NPTN: variants seen among roughly 807,000 people sequenced by gnomAD.
The protein encoded by NPTN is SDR-1.
Under a neutral mutation model 42.7 loss-of-function variants are expected in NPTN, and 5 were observed. The observed-to-expected ratio is 0.12, with a 90% CI of 0.06 to 0.25. The LOEUF (loss-of-function observed/expected upper bound fraction) is 0.25, where lower values mean the gene tolerates loss of function less well. Ranked by LOEUF, NPTN falls within the 10% of genes least tolerant of loss-of-function variation. The pLI, the probability that NPTN is intolerant of heterozygous loss-of-function variation, is 1.00. For synonymous variants in NPTN, 180 were observed against 201.9 expected (o/e 0.89, Z 0.92); for missense variants, 307 against 525.4 (o/e 0.58, Z 4.06).
At chr15:73,604,526 C>T (rs1897208974) in intron 1 of NPTN, among the ~76,000 whole-genome samples, 1 of 152,160 alleles carries the variant, frequency 6.6e-6, no homozygotes, top group Non-Finnish European at 1.5e-5. Flanking sequence ...TTGCATATTT[C>T]AGGGGTCTTC....
In NPTN at chr15:73,560,690, A is replaced by G. The variant is rs2141342937; in HGVS notation, c.*373T>C. The G allele has an allele frequency of 6.6e-6, 1 of 151,578 alleles. No individual in the cohort carries two copies. Among genetic ancestry groups the G allele is most frequent in the Non-Finnish European group, 1.5e-5 (1 of 67,884 alleles). The allele number at this position is 151,578 out of a possible 1,614,324, so 9.4% of individuals were successfully genotyped here. On this transcript the variant is annotated 3_prime_UTR_variant, in exon 9 of 9. Coordinates refer to ENST00000345330, the MANE Select transcript of NPTN (RefSeq NM_012428.4). ...GTTTTGCTGTACTTTACAAAAGTGT[A>G]TCACTAGATGGCAGCAGTGCATTTT...
intron 1 of NPTN, 184 bp downstream of exon 1, chr15:73,632,941 T>C: frequency 2.3e-6 from 1 of 443,716 alleles, no homozygotes; most frequent in South Asian, 5.2e-5. Context: ...GATAGGAGCC[T>C]CCGGTCCTCA....
chr15:73,619,738 TAAG>T (rs1194562799), intron 1 of NPTN, among the ~76,000 whole-genome samples: 6 of 152,208 alleles, frequency 3.9e-5, no homozygotes, highest in Admixed American at 2.0e-4. Flanking sequence ...TTGTTAAAAA[TAAG>T]AAGGGACTAA....
At chr15:73,587,402 C>T (rs1896370685) in intron 4 of NPTN, 122 bp downstream of exon 4, 2 of 714,270 alleles carry the variant, frequency 2.8e-6, no homozygotes, top group Admixed American at 2.6e-5. Flanking sequence ...GTGGCCTAAC[C>T]ACAACATTAT....
At chr15:73,564,379 G>A (rs1447566742) in intron 6 of NPTN, among the ~76,000 whole-genome samples, 1 of 152,186 alleles carries the variant, frequency 6.6e-6, no homozygotes, top group Non-Finnish European at 1.5e-5. Context: ...CATGTCGGGA[G>A]TAATGTCTGT....
At chr15:73,567,776 G>A in intron 6 of NPTN, 2 of 985,442 alleles carry the variant, frequency 2.0e-6, no homozygotes, top group South Asian at 4.7e-5. Flanking sequence ...GATGGAGAGT[G>A]GAGCCTGGCC....
intron 1 of NPTN, among the ~76,000 whole-genome samples, chr15:73,598,139 A>G (rs781428848): frequency 2.0e-5 from 3 of 152,166 alleles, no homozygotes; most frequent in Non-Finnish European, 4.4e-5. Context: ...GTCAGCTCAG[A>G]AGTGGGACCA....
intron 6 of NPTN, chr15:73,567,146 G>A: frequency 2.0e-6 from 2 of 983,918 alleles, no homozygotes; most frequent in Non-Finnish European, 2.4e-6. Context: ...TTATACTTTT[G>A]TATTGTTCAC....
chr15:73,619,340 AG>A (rs1898016887), intron 1 of NPTN, among the ~76,000 whole-genome samples: 1 of 152,208 alleles, frequency 6.6e-6, no homozygotes, highest in South Asian at 2.1e-4. Flanking sequence ...ACAAGAAGCA[AG>A]AAAATGTAAA....
intron 1 of NPTN, among the ~76,000 whole-genome samples, chr15:73,617,205 T>A (rs1029433782): frequency 2.0e-5 from 3 of 152,190 alleles, no homozygotes; most frequent in African/African-American, 7.2e-5. Flanking sequence ...AACCAAGCTT[T>A]GAAAGGATAC....
intron 4 of NPTN, among the ~76,000 whole-genome samples, chr15:73,580,817 C>T (rs1261827324): frequency 5.9e-5 from 9 of 151,808 alleles, no homozygotes; most frequent in South Asian, 2.1e-4. Flanking sequence ...ATTAGTGTAG[C>T]GTAAAGAGCA....
intron 3 of NPTN, chr15:73,591,729 T>TC: frequency 2.9e-6 from 1 of 344,244 alleles, no homozygotes. Context: ...AGCCTCAGTT[T>TC]CTCTATGATT....
chr15:73,595,582 T>C (rs1896797624), intron 2 of NPTN, among the ~76,000 whole-genome samples: 1 of 152,210 alleles, frequency 6.6e-6, no homozygotes, highest in Non-Finnish European at 1.5e-5. Context: ...CTTACTACTT[T>C]ATGTTATTAC....
intron 1 of NPTN, among the ~76,000 whole-genome samples, chr15:73,610,635 G>C (rs1897533336): frequency 6.6e-6 from 1 of 152,136 alleles, no homozygotes; most frequent in South Asian, 2.1e-4. Flanking sequence ...GTACTGAAAA[G>C]AAACAAAGCC....
intron 4 of NPTN, among the ~76,000 whole-genome samples, chr15:73,580,501 A>AGT (rs1412146372): frequency 1.4e-4 from 18 of 131,266 alleles, no homozygotes; most frequent in African/African-American, 5.6e-4. Context: ...ATACATAAAT[A>AGT]TATATATTAT....
At chr15:73,567,082 G>C in intron 6 of NPTN, 1 of 968,148 alleles carries the variant, frequency 1.0e-6, no homozygotes, top group Non-Finnish European at 1.2e-6. Flanking sequence ...CTAAATATTT[G>C]ATTTTCTAGT....
chr15:73,622,171 C>G (rs1044258288), intron 1 of NPTN, among the ~76,000 whole-genome samples: 3 of 151,864 alleles, frequency 2.0e-5, no homozygotes, highest in African/African-American at 7.3e-5. Flanking sequence ...CAAAAAAAAC[C>G]AAACAAAAAA....
At chr15:73,563,426 A>T in intron 6 of NPTN, 169 bp from the exon 7 acceptor site, 1 of 1,400,900 alleles carries the variant, frequency 7.1e-7, no homozygotes, top group South Asian at 1.6e-5. Context: ...ACACTCATGG[A>T]GTTATTATTT....
At chr15:73,631,622 G>C (rs1595982337) in intron 1 of NPTN, among the ~76,000 whole-genome samples, 1 of 152,102 alleles carries the variant, frequency 6.6e-6, no homozygotes. Context: ...AATTTAAATT[G>C]CAGCCTCTCT....
Sources: allele counts gnomAD v4.1 joint callset (sites outside exome capture counted in the v4.1 genomes callset), GRCh38; gene constraint gnomAD v4.1.1; transcripts MANE v1.5; gene names NCBI Gene and HGNC (gene_info 2026-07-23, HGNC 2026-07-21).